HIVEP3: variants seen among roughly 807,000 people sequenced by gnomAD.
The protein encoded by HIVEP3 is transcription factor HIVEP3.
In HIVEP3, 49 loss-of-function variants were observed where a neutral mutation model predicts 152.8. The observed-to-expected ratio is 0.32, with a 90% confidence interval of 0.26 to 0.41. The LOEUF (loss-of-function observed/expected upper bound fraction) is 0.41, where lower values mean the gene tolerates loss of function less well. Among genes scored for constraint, HIVEP3 ranks in the 10% least tolerant of loss-of-function variants. The probability of loss-of-function intolerance (pLI) is 1.00; values close to 1 mark genes in which losing one functional copy is unlikely to be tolerated. For synonymous variants in HIVEP3, 1,269 were observed against 1,289.0 expected, an observed-to-expected ratio of 0.98 and a Z score of 0.33; for missense variants, 2,790 against 3,103.3, an observed-to-expected ratio of 0.90 and a Z score of 2.40.
chr1:41,847,485 T>A (rs1643475895), intron 1 of HIVEP3: 1 of 152,362 alleles, frequency 6.6e-6, no homozygotes, highest in Non-Finnish European at 1.5e-5. Context: ...TAAATGATCA[T>A]CTTGTCTTTG....
intron 1 of HIVEP3, among the ~76,000 whole-genome samples, chr1:41,758,373 G>T (rs1647454032): frequency 6.6e-6 from 1 of 152,232 alleles, no homozygotes. Context: ...CTCCTCTGGA[G>T]AGGGGCTGGG....
At chr1:41,972,005 G>A (rs1156526372) in intron 1 of HIVEP3, among the ~76,000 whole-genome samples, 2 of 152,154 alleles carry the variant, frequency 1.3e-5, no homozygotes, top group Non-Finnish European at 2.9e-5. Context: ...AAATCTGCTG[G>A]TGCCTTGATC....
intron 5 of HIVEP3, among the ~76,000 whole-genome samples, chr1:41,550,884 T>C (rs977497266): frequency 5.3e-5 from 8 of 152,220 alleles, no homozygotes; most frequent in African/African-American, 1.9e-4. Context: ...TCTTGCCTGA[T>C]TGCCCTGGCC....
intron 1 of HIVEP3, among the ~76,000 whole-genome samples, chr1:41,974,538 T>G (rs1449169646): frequency 1.4e-5 from 2 of 143,370 alleles, no homozygotes; most frequent in East Asian, 2.1e-4. Context: ...CCTCTAGCCA[T>G]TCTGAACCTT....
chr1:41,625,582 C>T (rs145463582), intron 3 of HIVEP3, among the ~76,000 whole-genome samples: 107 of 152,210 alleles, frequency 7.0e-4, no homozygotes, highest in Non-Finnish European at 1.2e-3. Context: ...ATGTCAAAAA[C>T]TAGACAGCCA....
At chr1:41,526,770 C>T (rs536116516) in intron 5 of HIVEP3, among the ~76,000 whole-genome samples, 8 of 144,184 alleles carry the variant, frequency 5.5e-5, no homozygotes, top group African/African-American at 1.8e-4. Context: ...CTCACCCTCA[C>T]ACTCACCCTA....
At chr1:41,694,208 C>T (rs931127816) in intron 2 of HIVEP3, among the ~76,000 whole-genome samples, 2 of 152,086 alleles carry the variant, frequency 1.3e-5, no homozygotes, top group East Asian at 1.9e-4. Flanking sequence ...TCTATGCTTT[C>T]TAACTGCCTT....
intron 2 of HIVEP3, among the ~76,000 whole-genome samples, chr1:41,652,023 A>G (rs928581663): frequency 2.0e-5 from 3 of 152,142 alleles, no homozygotes; most frequent in African/African-American, 7.2e-5. Flanking sequence ...TGCACCTGGC[A>G]CTCTTCTGGG....
At chr1:42,020,799 AG>A (rs1645549215) in intron 1 of HIVEP3, among the ~76,000 whole-genome samples, 1 of 152,228 alleles carries the variant, frequency 6.6e-6, no homozygotes, top group African/African-American at 2.4e-5. Context: ...TAAAGAACCA[AG>A]AAAGGTTAGG....
chr1:41,787,541 T>C (rs1462727775), intron 1 of HIVEP3, among the ~76,000 whole-genome samples: 9 of 150,792 alleles, frequency 6.0e-5, no homozygotes, highest in African/African-American at 2.2e-4. Context: ...CTTTCTTTTT[T>C]TTTTTTTTTT....
At chr1:41,660,830 A>G (rs570190173) in intron 2 of HIVEP3, among the ~76,000 whole-genome samples, 1 of 152,360 alleles carries the variant, frequency 6.6e-6, no homozygotes, top group African/African-American at 2.4e-5. Context: ...GAGAGCTTGC[A>G]CAATTTGCCA....
chr1:41,894,584 A>C (rs771203920), intron 1 of HIVEP3, among the ~76,000 whole-genome samples: 11 of 152,232 alleles, frequency 7.2e-5, no homozygotes, highest in Non-Finnish European at 1.5e-4. Context: ...CAAACATTCA[A>C]ACATTTCCAC....
intron 3 of HIVEP3, among the ~76,000 whole-genome samples, chr1:41,620,938 G>A (rs1391143709): frequency 6.6e-6 from 1 of 152,158 alleles, no homozygotes; most frequent in Non-Finnish European, 1.5e-5. Context: ...GCACCTCGAG[G>A]ACCACCCGAG....
chr1:41,513,360 G>A lies in HIVEP3; in HGVS notation c.5861C>T (p.Thr1954Ile), dbSNP rs745931110. ...AGGCTTGTAGCTCAAGGCTGAGCCT[G>A]TGTCTTTCTCCACAGAGCCCAGAGG... ...PAPLGSVEKD[T>I]GSALSYKPVS... The change falls in exon 8 of 9, where the codon ACA (threonine) becomes ATA (isoleucine). Residue 1954 changes from threonine (T) to isoleucine (I), a missense_variant. Thr to Ile is a moderately conservative substitution (Grantham distance 89). Transcript: ENST00000372583. 1 of 1,612,756 alleles carries A rather than the reference G, an allele frequency of 6.2e-7. No homozygotes were observed.
chr1:41,516,492 T>C (rs1169325225), intron 7 of HIVEP3, among the ~76,000 whole-genome samples: 2 of 152,184 alleles, frequency 1.3e-5, no homozygotes, highest in South Asian at 4.1e-4. Context: ...TCCCCCTCTC[T>C]TCTGCCCCAT....
intron 1 of HIVEP3, among the ~76,000 whole-genome samples, chr1:41,762,896 G>C (rs1189708569): frequency 6.6e-6 from 1 of 152,236 alleles, no homozygotes; most frequent in Non-Finnish European, 1.5e-5. Context: ...TTAGGGGGCT[G>C]AGCTAGGGGA....
At chr1:41,694,377 G>A (rs1368868255) in intron 2 of HIVEP3, among the ~76,000 whole-genome samples, 1 of 152,092 alleles carries the variant, frequency 6.6e-6, no homozygotes, top group Non-Finnish European at 1.5e-5. Context: ...TTGAAGGCAG[G>A]TTCCTTGCAT....
intron 1 of HIVEP3, among the ~76,000 whole-genome samples, chr1:41,822,124 T>C (rs866275679): frequency 3.9e-5 from 6 of 152,150 alleles, no homozygotes; most frequent in Admixed American, 1.3e-4. Context: ...GTGACTCAGG[T>C]TGGAGGGTCC....
intron 5 of HIVEP3, among the ~76,000 whole-genome samples, chr1:41,537,806 A>G (rs1361625128): frequency 6.6e-6 from 1 of 152,180 alleles, no homozygotes; most frequent in Non-Finnish European, 1.5e-5. Flanking sequence ...GCTGGGGGCC[A>G]TTAGGTGCAC....
Sources: gnomAD v4.1 joint callset for allele counts (sites outside exome capture counted in the v4.1 genomes callset) on GRCh38, gnomAD v4.1.1 for gene constraint, MANE v1.5 for transcripts, NCBI Gene and HGNC (gene_info 2026-07-23, HGNC 2026-07-21) for gene names.